Variants in LRRIQ1 observed in about 807,000 individuals in gnomAD.
LRRIQ1 encodes leucine rich repeats and IQ motif containing 1, also known as leucine-rich repeat- and IQ domain-containing protein 1.
Under a neutral mutation model 211.9 loss-of-function variants are expected in LRRIQ1, and 210 were observed. The observed-to-expected ratio is 0.99, with a 90% CI of 0.89 to 1.11. The LOEUF (loss-of-function observed/expected upper bound fraction) is 1.11, where lower values mean the gene tolerates loss of function less well. Among genes scored for constraint, LRRIQ1 ranks in the 50% most tolerant of loss-of-function variants. LRRIQ1 has a pLI of 0.00. For missense variants in LRRIQ1, 2,136 were observed against 1,939.5 expected, an observed-to-expected ratio of 1.10 and a Z score of -1.90; for synonymous variants, 699 against 650.1, an observed-to-expected ratio of 1.08 and a Z score of -1.14.
intron 8 of LRRIQ1, among the ~76,000 whole-genome samples, chr12:85,061,596 C>A (rs1252493716): frequency 1.3e-5 from 2 of 151,692 alleles, no homozygotes; most frequent in Non-Finnish European, 3.0e-5. Context: ...GTTACTAAAT[C>A]ACACTGAATA....
chr12:85,138,256 C>T (rs758344579), intron 19 of LRRIQ1, among the ~76,000 whole-genome samples: 3 of 151,396 alleles, frequency 2.0e-5, no homozygotes, highest in South Asian at 2.1e-4. Context: ...ATCTAATCAA[C>T]CTTATCAAAT....
At chr12:85,107,694 G>C (rs1249877040) in intron 15 of LRRIQ1, among the ~76,000 whole-genome samples, 1 of 151,756 alleles carries the variant, frequency 6.6e-6, no homozygotes, top group Admixed American at 6.6e-5. Context: ...CCCAGGAGTT[G>C]CTGTTGTTTT....
At chr12:85,245,317 AT>A (rs910980760), downstream of LRRIQ1, among the ~76,000 whole-genome samples, 5 of 151,114 alleles carry the variant, frequency 3.3e-5, no homozygotes, top group Non-Finnish European at 7.4e-5. Flanking sequence ...TCCAAAGATA[AT>A]TTTTTTAAAT....
At chr12:85,237,021 G>A (rs779667575) in intron 26 of LRRIQ1, among the ~76,000 whole-genome samples, 9 of 151,438 alleles carry the variant, frequency 5.9e-5, no homozygotes, top group Non-Finnish European at 1.3e-4. Context: ...AAGAGGAGTA[G>A]ATTAAAACCA....
intron 18 of LRRIQ1, among the ~76,000 whole-genome samples, chr12:85,131,254 A>C (rs1431931598): frequency 1.3e-5 from 2 of 151,182 alleles, no homozygotes; most frequent in Non-Finnish European, 2.9e-5. Context: ...TGTGCATATC[A>C]CTTTCAGATC....
intron 24 of LRRIQ1, among the ~76,000 whole-genome samples, chr12:85,219,667 A>G (rs1289462713): frequency 6.6e-6 from 1 of 152,128 alleles, no homozygotes; most frequent in Admixed American, 6.6e-5. Context: ...CTTTGACCTT[A>G]TATATAGGTT....
At chr12:85,082,987 A>T (rs79899614) in intron 11 of LRRIQ1, among the ~76,000 whole-genome samples, 3,133 of 152,286 alleles carry the variant, frequency 0.021, 140 homozygotes, top group East Asian at 0.2. Context: ...AATCTGAGCT[A>T]CAAACCTATG....
At chr12:85,070,249 T>A (rs535761135) in intron 10 of LRRIQ1, among the ~76,000 whole-genome samples, 5 of 152,114 alleles carry the variant, frequency 3.3e-5, no homozygotes, top group Admixed American at 3.3e-4. Context: ...CTTTTAGTGA[T>A]GCTACACTTG....
chr12:85,192,005 A>G (rs1274097270), intron 24 of LRRIQ1, among the ~76,000 whole-genome samples: 1 of 151,802 alleles, frequency 6.6e-6, no homozygotes, highest in Non-Finnish European at 1.5e-5. Context: ...TGTTTTAAGT[A>G]TTTTACATTC....
intron 26 of LRRIQ1, among the ~76,000 whole-genome samples, chr12:85,234,192 G>A (rs964976757): frequency 6.6e-5 from 10 of 152,044 alleles, no homozygotes; most frequent in African/African-American, 2.4e-4. Flanking sequence ...ACTTGAGATT[G>A]CACAACTGTA....
chr12:85,105,648 A>G (rs1158325761), intron 14 of LRRIQ1, among the ~76,000 whole-genome samples: 1 of 152,080 alleles, frequency 6.6e-6, no homozygotes, highest in Admixed American at 6.6e-5. Context: ...TCAGTAAGTC[A>G]GGGTGTTGTT....
At chr12:85,128,981 C>A (rs1482729307) in intron 18 of LRRIQ1, among the ~76,000 whole-genome samples, 1 of 152,116 alleles carries the variant, frequency 6.6e-6, no homozygotes, top group African/African-American at 2.4e-5. Flanking sequence ...CTCTTCCAAT[C>A]CAACTTGTTG....
intron 17 of LRRIQ1, among the ~76,000 whole-genome samples, chr12:85,125,613 G>A (rs1888322665): frequency 6.6e-6 from 1 of 152,090 alleles, no homozygotes; most frequent in African/African-American, 2.4e-5. Flanking sequence ...AAAGTTGTCA[G>A]GGTAAAGAGT....
chr12:85,081,442 G>A (rs1008477158), intron 11 of LRRIQ1, among the ~76,000 whole-genome samples: 3 of 136,850 alleles, frequency 2.2e-5, no homozygotes, highest in Admixed American at 7.0e-5. Context: ...TCTTCTTTTG[G>A]ATTGGCTTTT....
chr12:85,114,586 A>G (rs1168494524), intron 15 of LRRIQ1, among the ~76,000 whole-genome samples: 1 of 152,230 alleles, frequency 6.6e-6, no homozygotes, highest in Non-Finnish European at 1.5e-5. Context: ...TTGTAAAGAT[A>G]AATATTCACA....
At chr12:85,047,155 AAAAAAATT>A (rs1879696524) in intron 5 of LRRIQ1, 84 bp from the exon 6 acceptor site, 20 of 572,616 alleles carry the variant, frequency 3.5e-5, no homozygotes, top group African/African-American at 1.2e-4. Context: ...GTAAAATTAA[AAAAAAATT>A]AAAAAAATTA....
chr12:85,091,747 A>C lies in LRRIQ1; in HGVS notation c.2888-6608A>C, dbSNP rs1241648937. On this transcript the variant is annotated intron_variant, in intron 11 of 26. Coordinates refer to ENST00000393217, the MANE Select transcript of LRRIQ1 (RefSeq NM_001079910.2). Reference sequence around the variant, plus strand: ...CAGTTATCCCAGCACCATTTATTGAATAGGGAGCCCTTTCCACATTGCTTG... The same window carrying C: ...CAGTTATCCCAGCACCATTTATTGACTAGGGAGCCCTTTCCACATTGCTTG... Among the ~76,000 whole-genome samples the C allele has an allele frequency of 2.6e-5, 4 of 152,130 alleles. No homozygotes were observed. In the East Asian group the frequency reaches 7.7e-4, roughly 29 times the overall value.
intron 24 of LRRIQ1, among the ~76,000 whole-genome samples, chr12:85,195,612 A>C (rs1424555689): frequency 6.6e-6 from 1 of 151,918 alleles, no homozygotes; most frequent in African/African-American, 2.4e-5. Context: ...AAAGCCTTTG[A>C]CAAAATTCAA....
chr12:85,235,219 C>G (rs1895120706), intron 26 of LRRIQ1, among the ~76,000 whole-genome samples: 2 of 152,106 alleles, frequency 1.3e-5, no homozygotes, highest in African/African-American at 4.8e-5. Flanking sequence ...AAAAATATAT[C>G]AGAAGTCACG....
Sources: gnomAD v4.1 joint callset for allele counts (sites outside exome capture counted in the v4.1 genomes callset) on GRCh38, gnomAD v4.1.1 for gene constraint, MANE v1.5 for transcripts, NCBI Gene and HGNC (gene_info 2026-07-23, HGNC 2026-07-21) for gene names.